The following RIMS2 variants were observed in gnomAD, a reference collection of about 807,000 sequenced individuals.
RIMS2 encodes regulating synaptic membrane exocytosis 2, also known as regulating synaptic membrane exocytosis protein 2.
RIMS2 carries 59 observed loss-of-function variants against 174.4 expected under a neutral mutation model. That is an observed-to-expected ratio of 0.34 (90% CI 0.27 to 0.42). The LOEUF (loss-of-function observed/expected upper bound fraction) is 0.42, where lower values mean the gene tolerates loss of function less well. Among genes scored for constraint, RIMS2 ranks in the 10% least tolerant of loss-of-function variants. The probability of loss-of-function intolerance (pLI) is 1.00; values close to 1 mark genes in which losing one functional copy is unlikely to be tolerated. For missense variants in RIMS2, 1,620 were observed against 1,666.3 expected (o/e 0.97, Z 0.48); for synonymous variants, 606 against 572.5 (o/e 1.06, Z -0.84).
chr8:104,042,998 G>A (rs915937606), intron 19 of RIMS2, among the ~76,000 whole-genome samples: 18 of 151,444 alleles, frequency 1.2e-4, no homozygotes, highest in Admixed American at 5.9e-4. Context: ...GATTAAAGAC[G>A]GATATTCATG....
intron 14 of RIMS2, among the ~76,000 whole-genome samples, chr8:103,950,321 C>T (rs1190024589): frequency 6.6e-6 from 1 of 152,024 alleles, no homozygotes; most frequent in Non-Finnish European, 1.5e-5. Flanking sequence ...TAAAAGAAAT[C>T]TGCAGACCAA....
At chr8:103,503,457 T>G (rs1821627299) in intron 1 of RIMS2, among the ~76,000 whole-genome samples, 1 of 151,978 alleles carries the variant, frequency 6.6e-6, no homozygotes, top group African/African-American at 2.4e-5. Flanking sequence ...AAAATAATAC[T>G]AACGGTCTTC....
At chr8:104,245,194 A>G (rs1588171117) in intron 20 of RIMS2, 137 bp downstream of exon 26, 5 of 810,642 alleles carry the variant, frequency 6.2e-6, no homozygotes, top group African/African-American at 1.7e-5. Context: ...TGTGAAGAGA[A>G]CTTTGCTCAC....
intron 3 of RIMS2, among the ~76,000 whole-genome samples, chr8:103,846,117 G>A (rs986308036): frequency 3.9e-5 from 6 of 152,088 alleles, no homozygotes; most frequent in African/African-American, 1.4e-4. Context: ...AAGTTTGTGT[G>A]AAATCTGGGG....
intron 1 of RIMS2, among the ~76,000 whole-genome samples, chr8:103,618,096 A>C (rs1157234253): frequency 1.3e-5 from 2 of 152,218 alleles, no homozygotes; most frequent in Admixed American, 1.3e-4. Flanking sequence ...CTGAATGCCC[A>C]TCAGTGACAG....
chr8:103,620,966 G>A (rs1018564247), intron 1 of RIMS2, among the ~76,000 whole-genome samples: 2 of 151,996 alleles, frequency 1.3e-5, no homozygotes, highest in Admixed American at 1.3e-4. Context: ...TGTAACTTTT[G>A]AACTATGTGA....
At chr8:103,585,287 G>A (rs2093847954) in intron 1 of RIMS2, among the ~76,000 whole-genome samples, 2 of 152,168 alleles carry the variant, frequency 1.3e-5, no homozygotes, top group South Asian at 2.1e-4. Context: ...TTACACTGTT[G>A]GTGGGAGTGT....
At chr8:104,094,682 G>A in intron 19 of RIMS2, 1 of 698,160 alleles carries the variant, frequency 1.4e-6, no homozygotes, top group Non-Finnish European at 2.6e-6. Flanking sequence ...AAAAAGAACA[G>A]TGGAATAAAG....
intron 1 of RIMS2, among the ~76,000 whole-genome samples, chr8:103,566,204 T>A (rs113063895): frequency 6.6e-6 from 1 of 152,210 alleles, no homozygotes; most frequent in Non-Finnish European, 1.5e-5. Flanking sequence ...ATTTCTTACA[T>A]CCTGTTTGTC....
chr8:104,241,542 T>A (rs933295175), intron 19 of RIMS2, among the ~76,000 whole-genome samples: 8 of 152,198 alleles, frequency 5.3e-5, no homozygotes, highest in Admixed American at 2.0e-4. Flanking sequence ...GCAGAGGCTG[T>A]GTTCTGAGAT....
chr8:103,874,506 C>A (rs1008605996), intron 3 of RIMS2, among the ~76,000 whole-genome samples: 2 of 151,928 alleles, frequency 1.3e-5, no homozygotes, highest in Non-Finnish European at 2.9e-5. Context: ...GACTAAGTAA[C>A]CCTAAAAGTC....
At chr8:103,782,044 G>C (rs141916441) in intron 3 of RIMS2, among the ~76,000 whole-genome samples, 3 of 151,140 alleles carry the variant, frequency 2.0e-5, no homozygotes, top group African/African-American at 7.3e-5. Flanking sequence ...CACCACACGT[G>C]GCCTTATCTC....
At chr8:104,063,064 C>T (rs1253968793) in intron 19 of RIMS2, among the ~76,000 whole-genome samples, 2 of 151,880 alleles carry the variant, frequency 1.3e-5, no homozygotes, top group South Asian at 4.1e-4. Flanking sequence ...TAAAACTATA[C>T]TTTTTATATT....
intron 1 of RIMS2, among the ~76,000 whole-genome samples, chr8:103,506,498 T>C (rs928234841): frequency 6.6e-6 from 1 of 152,040 alleles, no homozygotes; most frequent in Non-Finnish European, 1.5e-5. Flanking sequence ...TTTTGAAGGA[T>C]TGTGATTGTT....
intron 19 of RIMS2, among the ~76,000 whole-genome samples, chr8:104,165,444 A>G (rs1188536668): frequency 6.6e-6 from 1 of 151,992 alleles, no homozygotes; most frequent in East Asian, 1.9e-4. Flanking sequence ...GTAGAAACTT[A>G]GCGGGAAAAA....
intron 2 of RIMS2, among the ~76,000 whole-genome samples, chr8:103,730,712 T>G (rs913426789): frequency 2.6e-5 from 4 of 152,214 alleles, no homozygotes; most frequent in African/African-American, 7.2e-5. Context: ...TTATTTCTCA[T>G]TAACATTATT....
At chr8:104,095,690 G>A (rs199857817) in intron 19 of RIMS2, among the ~76,000 whole-genome samples, 4 of 145,908 alleles carry the variant, frequency 2.7e-5, no homozygotes, top group Non-Finnish European at 6.0e-5. Flanking sequence ...ACATTTTGGA[G>A]GGATGGAGTT....
intron 2 of RIMS2, among the ~76,000 whole-genome samples, chr8:103,755,994 C>T (rs1402596243): frequency 5.3e-5 from 8 of 152,116 alleles, no homozygotes; most frequent in South Asian, 2.1e-4. Context: ...AATCCCTTGG[C>T]GGCAAAGAGG....
intron 19 of RIMS2, among the ~76,000 whole-genome samples, chr8:104,099,823 CT>C (rs200744209): frequency 5.1e-4 from 75 of 146,166 alleles, no homozygotes; most frequent in Non-Finnish European, 5.6e-4. Flanking sequence ...TCTTTACTTT[CT>C]TTTTTTTTTT....
Sources: allele counts gnomAD v4.1 joint callset (sites outside exome capture counted in the v4.1 genomes callset), GRCh38; gene constraint gnomAD v4.1.1; transcripts MANE v1.5; gene names NCBI Gene and HGNC (gene_info 2026-07-23, HGNC 2026-07-21).